S100PBP: variants seen among roughly 807,000 people sequenced by gnomAD.
S100PBP encodes the protein S100P-binding protein.
In S100PBP, 15 loss-of-function variants were observed where a neutral mutation model predicts 39.9. The ratio of observed to expected loss-of-function variants is 0.38; its 90% CI spans 0.25 to 0.58. The LOEUF (loss-of-function observed/expected upper bound fraction) is 0.58. S100PBP is among the 20% of genes least tolerant of loss of function. The pLI, the probability that S100PBP is intolerant of heterozygous loss-of-function variation, is 0.70. For missense variants in S100PBP, 504 were observed against 487.3 expected (o/e 1.03, Z -0.32); for synonymous variants, 178 against 180.3 (o/e 0.99, Z 0.10).
chr1:32,823,779 GATTATACA>G (rs1639190632), intron 1 of S100PBP, among the ~76,000 whole-genome samples: 1 of 152,162 alleles, frequency 6.6e-6, no homozygotes, highest in Non-Finnish European at 1.5e-5. Flanking sequence ...TATACATTAA[GATTATACA>G]TTACGTATTA....
At position 32,858,341 on chromosome 1, in the gene S100PBP, T is replaced by C. The variant is rs762068537; in HGVS notation, c.*2303T>C. ...TTCCTCTTAGCTCAAATAATTCTGT[T>C]TTTCCAAAGCTTTAGCAGCTTAATT... On this transcript the variant is annotated 3_prime_UTR_variant, in exon 7 of 7. Coordinates refer to ENST00000373475, the MANE Select transcript of S100PBP (RefSeq NM_022753.4). The C allele has an allele frequency of 1.3e-5, 2 of 152,660 alleles. No individual in the cohort carries two copies. Among genetic ancestry groups the C allele is most frequent in the Non-Finnish European group, 2.9e-5 (2 of 68,040 alleles). 9.5% of individuals were successfully genotyped at this position (152,660 alleles called of 1,614,324 possible). A position where few individuals can be genotyped will look rare whatever the true frequency, so the allele number is the denominator to read the frequency against.
At chr1:32,820,631 A>G (rs1334167765) in intron 1 of S100PBP, 2 of 152,160 alleles carry the variant, frequency 1.3e-5, no homozygotes, top group Non-Finnish European at 2.9e-5. Flanking sequence ...GACATTTGAT[A>G]CTTCACAGAG....
intron 5 of S100PBP, chr1:32,842,770 A>G (rs1423094732): frequency 6.6e-6 from 1 of 151,804 alleles, no homozygotes; most frequent in Admixed American, 6.6e-5. Context: ...TAATTTTTTT[A>G]TTTTTAATAC....
intron 5 of S100PBP, among the ~76,000 whole-genome samples, chr1:32,832,985 G>GT (rs34030024): frequency 0.17 from 24,858 of 148,286 alleles, 2,572 homozygotes; most frequent in African/African-American, 0.3. Flanking sequence ...TGCCCCATGG[G>GT]TTTTTTTTTT....
At chr1:32,852,850 C>T (rs1161317845) in intron 5 of S100PBP, 1 of 487,386 alleles carries the variant, frequency 2.1e-6, no homozygotes, top group African/African-American at 2.0e-5. Flanking sequence ...ATTGTAGGAG[C>T]TAAGTGTTGA....
At chr1:32,823,207 G>A (rs2148636015) in intron 1 of S100PBP, among the ~76,000 whole-genome samples, 1 of 152,304 alleles carries the variant, frequency 6.6e-6, no homozygotes, top group Non-Finnish European at 1.5e-5. Flanking sequence ...TTAGAATGGG[G>A]GGCAATGGCC....
At position 32,821,782 on chromosome 1, in the gene S100PBP, G is replaced by A. The variant is rs149649504; in HGVS notation, c.-119-3531G>A. On this transcript the variant is annotated intron_variant, in intron 1 of 6. Coordinates refer to ENST00000373475, the MANE Select transcript of S100PBP (RefSeq NM_022753.4). ...TCTGAATAGCTGGGGCTACAGGCCC[G>A]CGTCACCATGCCCAGCTAAATTTTC... 4.5e-3 allele frequency among the ~76,000 whole-genome samples: 690 copies of A among 152,070 alleles called. 5 individuals carry two copies. Among genetic ancestry groups the A allele is most frequent in the Non-Finnish European group, 8.2e-3 (555 of 67,996 alleles).
upstream of S100PBP, chr1:32,817,381 G>T (rs1457913952): frequency 6.4e-6 from 7 of 1,087,062 alleles, no homozygotes; most frequent in African/African-American, 9.3e-5. Flanking sequence ...CCGCTTACTC[G>T]GCCTGGACCC....
rs1320834673 is a variant in S100PBP at position 32,857,157 on chromosome 1, G to GC, written c.*1123dup. The GC allele has an allele frequency of 2.0e-5, 3 of 152,166 alleles. No individual in the cohort carries two copies. Among genetic ancestry groups the GC allele is most frequent in the Non-Finnish European group, 4.4e-5 (3 of 68,026 alleles). The allele number at this position is 152,166 out of a possible 1,614,324, so 9.4% of individuals were successfully genotyped here. On this transcript the variant is annotated 3_prime_UTR_variant, in exon 7 of 7. Coordinates refer to ENST00000373475, the MANE Select transcript of S100PBP (RefSeq NM_022753.4). ...GGATGTTACCATCTCATTTGGTCAAGCCCCTGATACCTAGTTTCACATGGA... is the reference window on the plus strand; with the variant it reads ...GGATGTTACCATCTCATTTGGTCAAGCCCCCTGATACCTAGTTTCACATGGA...
intron 1 of S100PBP, among the ~76,000 whole-genome samples, chr1:32,820,840 AAAAAAT>A (rs1639024206): frequency 6.6e-6 from 1 of 152,146 alleles, no homozygotes; most frequent in African/African-American, 2.4e-5. Flanking sequence ...ATGTCTCTAC[AAAAAAT>A]AAAAATAAAA....
intron 5 of S100PBP, among the ~76,000 whole-genome samples, chr1:32,847,977 G>T (rs1259434170): frequency 2.0e-5 from 3 of 152,170 alleles, no homozygotes; most frequent in African/African-American, 7.2e-5. Context: ...GTAGTGAAAA[G>T]AATTAACCGT....
chr1:32,836,444 T>C (rs1639822304), intron 5 of S100PBP: 2 of 741,484 alleles, frequency 2.7e-6, no homozygotes, highest in Middle Eastern at 6.9e-4. Flanking sequence ...TGTTTTTGTT[T>C]TTGTTTGTTT....
Position 32,858,492 on chromosome 1 carries a change from T to C in S100PBP, c.*2454T>C, listed in dbSNP as rs1640899175. On this transcript the variant is annotated 3_prime_UTR_variant, in exon 7 of 7. Coordinates refer to ENST00000373475, the MANE Select transcript of S100PBP (RefSeq NM_022753.4). ...TGTTCGCCTTAAAGATGGTACTGGG[T>C]AGAATCTGGAGTTTTCATCTCTTTT... is the stretch of plus-strand genomic sequence containing the variant. 6.6e-6 allele frequency: 1 copy of C among 152,572 alleles called. No individual in the cohort carries two copies. Among genetic ancestry groups the C allele is most frequent in the Non-Finnish European group, 1.5e-5 (1 of 68,046 alleles). The allele number at this position is 152,572 out of a possible 1,614,324, so 9.5% of individuals were successfully genotyped here.
chr1:32,830,143 G>A, intron 5 of S100PBP, 76 bp downstream of exon 5: 9 of 892,462 alleles, frequency 1.0e-5, no homozygotes, highest in Non-Finnish European at 1.1e-5. Flanking sequence ...GCTTAAACTG[G>A]GAGATTGTTT....
Position 32,829,998 on chromosome 1 carries a change from G to A in S100PBP, c.955G>A (p.Glu319Lys). ...TCCGACGTTTTCACAGTCAAATCTA[G>A]AACAGCAGAAGCAGCTTTATCTCAG... ...NVPTFSQSNL[E>K]QQKQLYLRSV... The change falls in exon 5 of 7, where the codon GAA becomes AAA. Residue 319 changes from glutamate (E) to lysine (K), a missense_variant. Glu to Lys is a moderately conservative substitution (Grantham distance 56, BLOSUM62 1). Transcript: ENST00000373475. 1 of 1,613,950 alleles carries A rather than the reference G, an allele frequency of 6.2e-7. No individual in the cohort carries two copies. Among genetic ancestry groups the A allele is most frequent in the South Asian group, 1.1e-5 (1 of 91,078 alleles).
At chr1:32,832,889 T>C (rs1639661876) in intron 5 of S100PBP, among the ~76,000 whole-genome samples, 14 of 152,194 alleles carry the variant, frequency 9.2e-5, no homozygotes, top group Admixed American at 8.5e-4. Context: ...TTATCAATAA[T>C]GTATATATTA....
upstream of S100PBP, chr1:32,817,374 C>G (rs1161283871): frequency 4.2e-6 from 5 of 1,198,460 alleles, no homozygotes; most frequent in Non-Finnish European, 6.0e-6. Flanking sequence ...CGGCGCTCCG[C>G]TTACTCGGCC....
chr1:32,844,989 C>T (rs371083320), intron 5 of S100PBP, among the ~76,000 whole-genome samples: 2 of 149,986 alleles, frequency 1.3e-5, no homozygotes, highest in Non-Finnish European at 3.0e-5. Flanking sequence ...CCACCATGCC[C>T]GGCTAATTTT....
In S100PBP at chr1:32,858,098, T is replaced by C. The variant is rs1280684592; in HGVS notation, c.*2060T>C. ...GGACCATAGCATAGTTAAAATTAAATGTAGTTGGAATAGCTAGCATTGCAG... is the reference window on the plus strand; with the variant it reads ...GGACCATAGCATAGTTAAAATTAAACGTAGTTGGAATAGCTAGCATTGCAG... On this transcript the variant is annotated 3_prime_UTR_variant, in exon 7 of 7. Coordinates refer to ENST00000373475, the MANE Select transcript of S100PBP (RefSeq NM_022753.4). 6.6e-6 allele frequency: 1 copy of C among 152,572 alleles called. No individual in the cohort carries two copies. The highest frequency in any genetic ancestry group is 1.5e-5 in the Non-Finnish European group (1 of 68,034). The allele number at this position is 152,572 out of a possible 1,614,324, so 9.5% of individuals were successfully genotyped here.
Sources: gnomAD v4.1 joint callset for allele counts (sites outside exome capture counted in the v4.1 genomes callset) on GRCh38, gnomAD v4.1.1 for gene constraint, MANE v1.5 for transcripts, NCBI Gene and HGNC (gene_info 2026-07-23, HGNC 2026-07-21) for gene names.